IL1RAPL2: variants seen among roughly 807,000 people sequenced by gnomAD.
IL1RAPL2 encodes X-linked interleukin-1 receptor accessory protein-like 2.
Under a neutral mutation model 44.1 loss-of-function variants are expected in IL1RAPL2, and 3 were observed. The ratio of observed to expected loss-of-function variants is 0.07; its 90% confidence interval spans 0.03 to 0.18. The LOEUF (loss-of-function observed/expected upper bound fraction) is 0.18, where lower values mean the gene tolerates loss of function less well. IL1RAPL2 is among the 10% of genes least tolerant of loss of function. The probability of loss-of-function intolerance (pLI) is 1.00; values close to 1 mark genes in which losing one functional copy is unlikely to be tolerated. For missense variants in IL1RAPL2, 391 were observed against 496.4 expected (o/e 0.79, Z 2.02); for synonymous variants, 181 against 178.8 (o/e 1.01, Z -0.10).
At chrX:104,836,273 G>A (rs1448053494) in intron 2 of IL1RAPL2, among the ~76,000 whole-genome samples, 1 of 110,079 alleles carries the variant, frequency 9.1e-6, no homozygotes, top group Non-Finnish European at 1.9e-5. Flanking sequence ...GTAGGATAGT[G>A]GGGGGCTGTG....
At chrX:104,874,279 C>CTCTCTCTCTCTCT (rs1922844945) in intron 2 of IL1RAPL2, among the ~76,000 whole-genome samples, 1 of 76,321 alleles carries the variant, frequency 1.3e-5, no homozygotes, top group Non-Finnish European at 2.5e-5. Flanking sequence ...TGTCTGTATT[C>CTCTCTCTCTCTCT]CTCTCTCTCT....
At chrX:105,528,733 G>T (rs1208969668) in intron 6 of IL1RAPL2, among the ~76,000 whole-genome samples, 1 of 110,731 alleles carries the variant, frequency 9.0e-6, no homozygotes, top group East Asian at 2.8e-4. Context: ...TAAGAATCAA[G>T]ACCTTCTCCT....
intron 5 of IL1RAPL2, among the ~76,000 whole-genome samples, chrX:105,472,068 G>T (rs1178518881): frequency 1.8e-5 from 2 of 109,011 alleles, no homozygotes; most frequent in African/African-American, 6.6e-5. Flanking sequence ...TGAGGGGTGG[G>T]ATGGAGGGGT....
chrX:105,400,340 T>C (rs1248268992), intron 5 of IL1RAPL2, among the ~76,000 whole-genome samples: 1 of 111,638 alleles, frequency 9.0e-6, no homozygotes, highest in Non-Finnish European at 1.9e-5. Flanking sequence ...TAGTTCAGTC[T>C]AGACAGAATA....
intron 6 of IL1RAPL2, among the ~76,000 whole-genome samples, chrX:105,542,581 G>A (rs1053437028): frequency 9.0e-6 from 1 of 110,632 alleles, no homozygotes; most frequent in African/African-American, 3.3e-5. Context: ...GAGGTGTAGT[G>A]GAAGAGAAAG....
chrX:104,895,402 G>A (rs1174017660), intron 2 of IL1RAPL2, among the ~76,000 whole-genome samples: 5 of 112,708 alleles, frequency 4.4e-5, no homozygotes, highest in Non-Finnish European at 7.5e-5. Flanking sequence ...ACAGAGGCAG[G>A]CAGGACTCCT....
chrX:105,521,887 C>T (rs2036561378), intron 6 of IL1RAPL2, among the ~76,000 whole-genome samples: 1 of 112,305 alleles, frequency 8.9e-6, no homozygotes, highest in Non-Finnish European at 1.9e-5. Flanking sequence ...CTACTACCCA[C>T]TGGTCCACAG....
At chrX:105,679,026 C>CTT (rs745850163) in intron 6 of IL1RAPL2, among the ~76,000 whole-genome samples, 5 of 94,921 alleles carry the variant, frequency 5.3e-5, no homozygotes, top group Non-Finnish European at 6.4e-5. Flanking sequence ...AAAAGTTTCT[C>CTT]TTTTTTTTTT....
chrX:104,769,164 A>T (rs1225424123), intron 2 of IL1RAPL2, among the ~76,000 whole-genome samples: 1 of 111,394 alleles, frequency 9.0e-6, no homozygotes, highest in African/African-American at 3.3e-5. Flanking sequence ...CTTATCACCT[A>T]TCTCATTTTA....
intron 2 of IL1RAPL2, among the ~76,000 whole-genome samples, chrX:104,868,510 CAGT>C (rs149671242): frequency 0.11 from 12,732 of 111,815 alleles, 739 homozygotes; most frequent in Non-Finnish European, 0.17. Flanking sequence ...TTTGCAACAA[CAGT>C]AGATGACTGC....
chrX:104,786,537 G>T (rs775781189), intron 2 of IL1RAPL2, among the ~76,000 whole-genome samples: 2 of 111,682 alleles, frequency 1.8e-5, no homozygotes, highest in Non-Finnish European at 3.8e-5. Context: ...CCTGCCCAAG[G>T]TCATATAGCT....
intron 5 of IL1RAPL2, among the ~76,000 whole-genome samples, chrX:105,385,064 G>C (rs1347823835): frequency 7.2e-5 from 8 of 110,708 alleles, no homozygotes; most frequent in Non-Finnish European, 5.7e-5. Flanking sequence ...AGAATAATTT[G>C]ACTTCTTCCT....
chrX:104,847,867 A>C lies in IL1RAPL2; in HGVS notation c.82+188872A>C, dbSNP rs756371551. On this transcript the variant is annotated intron_variant, in intron 2 of 10. Coordinates refer to ENST00000372582, the MANE Select transcript of IL1RAPL2 (RefSeq NM_017416.2). The stretch of plus-strand genomic sequence containing the variant: ...ATTTGTTTGTATCCTCTTTTATTTC[A>C]TTGAGCATTGGTTTGTAGTTCTCCT... Among the ~76,000 whole-genome samples, 83 of 110,839 alleles carry C rather than the reference A, an allele frequency of 7.5e-4. No individual in the cohort carries two copies. The East Asian group carries it at 0.019, about 26-fold the overall frequency.
chrX:104,818,079 G>T (rs750782324), intron 2 of IL1RAPL2, among the ~76,000 whole-genome samples: 1 of 110,281 alleles, frequency 9.1e-6, no homozygotes, highest in East Asian at 2.8e-4. Flanking sequence ...AGTTTTGGCC[G>T]TGCGCGGTGG....
chrX:104,646,714 C>T (rs1016412168), intron 1 of IL1RAPL2, among the ~76,000 whole-genome samples: 7 of 111,318 alleles, frequency 6.3e-5, no homozygotes, highest in Admixed American at 3.8e-4. Context: ...TTACCAGTCA[C>T]TGTGGCAGAA....
intron 1 of IL1RAPL2, among the ~76,000 whole-genome samples, chrX:104,621,518 C>T (rs1429448253): frequency 5.5e-5 from 6 of 108,230 alleles, no homozygotes; most frequent in African/African-American, 1.7e-4. Flanking sequence ...CTCTGCCATA[C>T]CCCCAAGCAG....
At chrX:105,693,795 G>A (rs989655511) in intron 6 of IL1RAPL2, among the ~76,000 whole-genome samples, 1 of 111,090 alleles carries the variant, frequency 9.0e-6, no homozygotes, top group African/African-American at 3.3e-5. Context: ...GTTGGAGAGA[G>A]ATTTAAATAT....
At chrX:105,711,094 G>A (rs757058369) in intron 6 of IL1RAPL2, among the ~76,000 whole-genome samples, 3 of 109,250 alleles carry the variant, frequency 2.7e-5, no homozygotes, top group African/African-American at 6.7e-5. Flanking sequence ...AGCTACACCC[G>A]GGGATCACTG....
chrX:105,250,553 G>T (rs2034260616), intron 4 of IL1RAPL2, among the ~76,000 whole-genome samples: 1 of 110,072 alleles, frequency 9.1e-6, no homozygotes, highest in Non-Finnish European at 1.9e-5. Context: ...TAAAAATAAA[G>T]CCTATTAATT....
Sources: allele counts gnomAD v4.1 joint callset (sites outside exome capture counted in the v4.1 genomes callset), GRCh38; gene constraint gnomAD v4.1.1; transcripts MANE v1.5; gene names NCBI Gene and HGNC (gene_info 2026-07-23, HGNC 2026-07-21).